The following FILIP1 variants were observed in gnomAD, a reference collection of about 807,000 sequenced individuals.
FILIP1 encodes filamin-A-interacting protein 1.
In FILIP1, 61 loss-of-function variants were observed where a neutral mutation model predicts 102.1. The ratio of observed to expected loss-of-function variants is 0.60; its 90% CI spans 0.49 to 0.74. FILIP1 has a LOEUF of 0.74. Among genes scored for constraint, FILIP1 ranks in the 30% least tolerant of loss-of-function variants. The pLI is 0.00. For missense variants in FILIP1, 1,314 were observed against 1,441.2 expected, an observed-to-expected ratio of 0.91 and a Z score of 1.43; for synonymous variants, 491 against 526.9, an observed-to-expected ratio of 0.93 and a Z score of 0.93.
chr6:75,314,209 C>A lies in FILIP1; in HGVS notation c.1623G>T (p.Met541Ile). The change falls in exon 5 of 6, where the codon ATG becomes ATT. Residue 541 changes from methionine (M) to isoleucine (I), a missense_variant. Coordinates refer to ENST00000237172, the MANE Select transcript of FILIP1 (RefSeq NM_015687.5). ...CTTCAATTAGTTTTTCAGTTACATC[C>A]ATAACTTTTCCTTGTTCCACCTTAA... ...KNFKVEQGKV[M>I]DVTEKLIEES... is the part of the protein sequence containing the mutation. 1 of 1,561,202 alleles carries A rather than the reference C, an allele frequency of 6.4e-7. No homozygotes were observed. Among genetic ancestry groups the A allele is most frequent in the Non-Finnish European group, 8.6e-7 (1 of 1,164,400 alleles).
chr6:75,300,997 T>C (rs1173990134), intron 6 of FILIP1, among the ~76,000 whole-genome samples: 1 of 152,194 alleles, frequency 6.6e-6, no homozygotes, highest in Non-Finnish European at 1.5e-5. Context: ...ATATATAACA[T>C]TAACTATAAA....
chr6:75,376,296 T>C (rs1446923602), intron 2 of FILIP1, among the ~76,000 whole-genome samples: 1 of 152,110 alleles, frequency 6.6e-6, no homozygotes, highest in Non-Finnish European at 1.5e-5. Flanking sequence ...GAAACATGCA[T>C]CGGTACAACA....
At chr6:75,305,327 A>C (rs1442772146), downstream of FILIP1, among the ~76,000 whole-genome samples, 1 of 152,198 alleles carries the variant, frequency 6.6e-6, no homozygotes, top group Non-Finnish European at 1.5e-5. Flanking sequence ...AATCTGGGGA[A>C]TGAGAAATTT....
intron 4 of FILIP1, among the ~76,000 whole-genome samples, chr6:75,350,636 T>G (rs1774765191): frequency 6.6e-6 from 1 of 152,076 alleles, no homozygotes; most frequent in Non-Finnish European, 1.5e-5. Flanking sequence ...ATTACTTCAA[T>G]TACTCTCACA....
At chr6:75,381,332 C>A (rs557572959) in intron 2 of FILIP1, among the ~76,000 whole-genome samples, 1 of 151,986 alleles carries the variant, frequency 6.6e-6, no homozygotes, top group African/African-American at 2.4e-5. Context: ...CGGGTTCAAG[C>A]GATTCTCCTG....
intron 1 of FILIP1, among the ~76,000 whole-genome samples, chr6:75,469,916 C>T (rs986241186): frequency 1.3e-5 from 2 of 151,876 alleles, no homozygotes; most frequent in Non-Finnish European, 2.9e-5. Context: ...AAACTAAGAA[C>T]AAAAAGAAAC....
intron 4 of FILIP1, among the ~76,000 whole-genome samples, chr6:75,331,756 CCCTTGTACACTACA>C (rs56276729): frequency 0.74 from 112,607 of 151,848 alleles, 42,438 homozygotes; most frequent in African/African-American, 0.88. Flanking sequence ...TAGTCAGGCA[CCCTTGTACACTACA>C]CCTTGTAAGC....
At chr6:75,384,278 T>A (rs999056513) in intron 2 of FILIP1, among the ~76,000 whole-genome samples, 1 of 152,236 alleles carries the variant, frequency 6.6e-6, no homozygotes, top group African/African-American at 2.4e-5. Flanking sequence ...CCACTGTGAT[T>A]TATGTCTGTA....
intron 2 of FILIP1, among the ~76,000 whole-genome samples, chr6:75,393,717 G>A (rs753364754): frequency 1.1e-4 from 16 of 152,254 alleles, no homozygotes; most frequent in African/African-American, 3.4e-4. Context: ...TCTCAGTTAC[G>A]AAACCATTTA....
exon 7 of FILIP1, chr6:75,294,907 G>A (rs137960166): frequency 1.8e-3 from 198 of 107,246 alleles, no homozygotes; most frequent in African/African-American, 6.9e-3. Flanking sequence ...CTCTCACTGT[G>A]TTGCCCAGGC....
downstream of FILIP1, among the ~76,000 whole-genome samples, chr6:75,306,345 T>C (rs1333687626): frequency 6.6e-6 from 1 of 152,082 alleles, no homozygotes; most frequent in Non-Finnish European, 1.5e-5. Context: ...ACCATAAGCA[T>C]GATGTGAGAA....
chr6:75,394,468 AAAAAGTGCC>A (rs1304727573), intron 2 of FILIP1, among the ~76,000 whole-genome samples: 1 of 152,172 alleles, frequency 6.6e-6, no homozygotes, highest in Non-Finnish European at 1.5e-5. Context: ...TCTGCATAAC[AAAAAGTGCC>A]AAAAGTGAAG....
At chr6:75,369,935 C>T (rs1775460545) in intron 2 of FILIP1, among the ~76,000 whole-genome samples, 1 of 152,202 alleles carries the variant, frequency 6.6e-6, no homozygotes, top group Non-Finnish European at 1.5e-5. Flanking sequence ...GAAGCATAGC[C>T]AGTGGGAAGT....
rs1455091380 is a variant in FILIP1 at position 75,313,889 on chromosome 6, A to G, written c.1943T>C (p.Val648Ala). 2 of 1,613,868 alleles carry G rather than the reference A, an allele frequency of 1.2e-6. No individual in the cohort carries two copies. The highest frequency in any genetic ancestry group is 1.7e-6 in the Non-Finnish European group (2 of 1,179,940). ...RLKKRLQQLE[V>A]VEGDLMKTED... ...TGTCTTCATCAAATCCCCTTCGACC[A>G]CTTCCAATTGTTGGAGACGTTTCTT... The change falls in exon 5 of 6, where the codon GTG (valine) becomes GCG (alanine). Residue 648 changes from valine to alanine, a missense_variant. Val to Ala is a moderately conservative substitution (Grantham distance 64). Around this residue, in one of 3 missense-constraint regions of FILIP1, gnomAD observed 816 missense variants for 913.1 expected, o/e 0.89. Coordinates refer to ENST00000237172, the MANE Select transcript of FILIP1 (RefSeq NM_015687.5). The surrounding 1 kb of genome is among the most constrained non-coding windows in gnomAD (Gnocchi z 4.2).
At chr6:75,321,057 C>T (rs1380149338) in intron 4 of FILIP1, among the ~76,000 whole-genome samples, 1 of 152,136 alleles carries the variant, frequency 6.6e-6, no homozygotes, top group Non-Finnish European at 1.5e-5. Flanking sequence ...TCCTCTTCCT[C>T]TTCTACTTCC....
At chr6:75,447,013 C>A (rs949593547) in intron 1 of FILIP1, among the ~76,000 whole-genome samples, 1 of 151,980 alleles carries the variant, frequency 6.6e-6, no homozygotes, top group African/African-American at 2.4e-5. Context: ...ATGAAGTCAC[C>A]AAACCTTAGG....
At chr6:75,477,572 T>G (rs1052557515) in intron 1 of FILIP1, among the ~76,000 whole-genome samples, 1 of 151,716 alleles carries the variant, frequency 6.6e-6, no homozygotes, top group African/African-American at 2.4e-5. Flanking sequence ...ATTAATAATT[T>G]AAAATATTTT....
intron 4 of FILIP1, among the ~76,000 whole-genome samples, chr6:75,347,697 A>C (rs1283017145): frequency 1.5e-5 from 1 of 68,216 alleles, no homozygotes; most frequent in African/African-American, 8.8e-5. Flanking sequence ...GTTTTCAAAA[A>C]CGTTGATTCT....
At chr6:75,327,488 G>A (rs546877103) in intron 4 of FILIP1, among the ~76,000 whole-genome samples, 7 of 151,476 alleles carry the variant, frequency 4.6e-5, no homozygotes, top group Non-Finnish European at 1.0e-4. Context: ...AGTGAACACA[G>A]GAAACAGGTA....
Sources: gnomAD v4.1 joint callset for allele counts (sites outside exome capture counted in the v4.1 genomes callset) on GRCh38, gnomAD v4.1.1 for gene constraint, gnomAD v4.1.1 regional missense constraint, Gnocchi (gnomAD v3.1) non-coding constraint, MANE v1.5 for transcripts, NCBI Gene and HGNC (gene_info 2026-07-23, HGNC 2026-07-21) for gene names.